FRY: variants seen among roughly 807,000 people sequenced by gnomAD.
FRY encodes FRY microtubule binding protein.
FRY carries 128 observed loss-of-function variants against 348.4 expected under a neutral mutation model. The observed-to-expected ratio is 0.37, with a 90% CI of 0.32 to 0.43. The LOEUF (loss-of-function observed/expected upper bound fraction) is 0.43. FRY is among the 20% of genes least tolerant of loss of function. FRY has a pLI of 1.00. For missense variants in FRY, 2,736 were observed against 3,695.2 expected (o/e 0.74, Z 6.73); for synonymous variants, 1,370 against 1,374.7 (o/e 1.00, Z 0.08).
At chr13:32,279,832 A>G (rs945095947) in intron 58 of FRY, among the ~76,000 whole-genome samples, 1 of 152,204 alleles carries the variant, frequency 6.6e-6, no homozygotes, top group African/African-American at 2.4e-5. Context: ...GGTATTTGTT[A>G]TTGAGCAAGT....
intron 17 of FRY, among the ~76,000 whole-genome samples, chr13:32,166,947 T>A (rs1881775512): frequency 6.6e-6 from 1 of 152,162 alleles, no homozygotes; most frequent in Non-Finnish European, 1.5e-5. Flanking sequence ...ACACTGTCAT[T>A]TTAAGAGACA....
chr13:32,210,784 T>C (rs1884639198), intron 33 of FRY, 82 bp from the exon 34 acceptor site: 4 of 1,126,950 alleles, frequency 3.5e-6, no homozygotes, highest in Non-Finnish European at 5.3e-6. Flanking sequence ...TGACAACTTA[T>C]CTAAATGAGA....
chr13:32,032,027 C>T (rs77392398), intron 1 of FRY, among the ~76,000 whole-genome samples, 162 bp downstream of exon 1: 10,407 of 71,238 alleles, frequency 0.15, 531 homozygotes, highest in African/African-American at 0.24. Flanking sequence ...CTTTCTTTTT[C>T]TTTCTTTCTT....
In FRY at chr13:32,178,282, A is replaced by T. The variant is rs1882490733; in HGVS notation, c.2527A>T (p.Ile843Leu). The change falls in exon 21 of 61, where the codon ATA becomes TTA. Residue 843 changes from isoleucine to leucine, a missense_variant. Ile to Leu is a conservative substitution (Grantham distance 5). Transcript: ENST00000542859. Reference protein sequence around the residue: ...YDVKSPSHVWIFAQSVKDPWV... With the variant: ...YDVKSPSHVWLFAQSVKDPWV... ...TGTGAAAAGCCCTTCCCATGTCTGG[A>T]TATTTGCACAGTCTGTCAAAGACCC... 2 of 1,614,164 alleles carry T rather than the reference A, an allele frequency of 1.2e-6. No homozygotes were observed. Among genetic ancestry groups the T allele is most frequent in the African/African-American group, 1.3e-5 (1 of 75,038 alleles).
intron 7 of FRY, among the ~76,000 whole-genome samples, chr13:32,125,678 T>C (rs1878974255): frequency 6.6e-6 from 1 of 152,136 alleles, no homozygotes; most frequent in South Asian, 2.1e-4. Context: ...ACACAATTTA[T>C]CAAAAAAACA....
At chr13:32,210,774 T>C (rs761478403) in intron 33 of FRY, 92 bp from the exon 34 acceptor site, 5 of 1,024,454 alleles carry the variant, frequency 4.9e-6, no homozygotes, top group Non-Finnish European at 6.0e-6. Context: ...TCCTGCATGA[T>C]GACAACTTAT....
rs2126044 is a variant in FRY at position 32,285,645 on chromosome 13, G to A, written c.8470-3988G>A. Among the ~76,000 whole-genome samples, 3 of 152,224 alleles carry A rather than the reference G, an allele frequency of 2.0e-5. No homozygotes were observed. The East Asian group carries it at 5.8e-4, about 29-fold the overall frequency. On this transcript the variant is annotated intron_variant, in intron 58 of 60. Transcript: ENST00000542859. ...ACCTCGTTTTGGAAAGCAATAAAAA[G>A]CCGTTTTCTTCACACAAGACCTTGT...
intron 7 of FRY, among the ~76,000 whole-genome samples, chr13:32,131,035 C>T (rs191596720): frequency 0.012 from 1,862 of 152,266 alleles, 15 homozygotes; most frequent in Non-Finnish European, 0.019. Flanking sequence ...AGGCTGGTCT[C>T]GAACTCCTGA....
rs112284600 is a variant in FRY, at chr13:32,040,639, A to G, written c.70+8774A>G. Among the ~76,000 whole-genome samples the G allele has an allele frequency of 7.4e-3, 1,130 of 152,336 alleles. 14 individuals are homozygous for G. The highest frequency in any genetic ancestry group is 0.026 in the African/African-American group (1,067 of 41,568). On this transcript the variant is annotated intron_variant, in intron 1 of 60. Transcript: ENST00000542859. Reference sequence around the variant, plus strand: ...AAGTTGTCACACTACACAGCCTATCAGGTTCTTTCTGTTGTTACTTTTTGC... The same window carrying G: ...AAGTTGTCACACTACACAGCCTATCGGGTTCTTTCTGTTGTTACTTTTTGC...
At chr13:32,195,736 A>G (rs190002833) in intron 29 of FRY, among the ~76,000 whole-genome samples, 15 of 152,230 alleles carry the variant, frequency 9.9e-5, no homozygotes, top group African/African-American at 3.6e-4. Context: ...ATATTAGGTC[A>G]TAAAACCTGC....
chr13:32,069,648 G>A (rs1011552204), intron 1 of FRY, among the ~76,000 whole-genome samples: 3 of 152,200 alleles, frequency 2.0e-5, no homozygotes, highest in African/African-American at 4.8e-5. Context: ...CAACACAGAT[G>A]AACTTTGAAG....
chr13:32,091,278 G>T (rs1876291196), intron 2 of FRY, among the ~76,000 whole-genome samples: 1 of 152,198 alleles, frequency 6.6e-6, no homozygotes, highest in Non-Finnish European at 1.5e-5. Flanking sequence ...TCCACCAGAA[G>T]TCCAGTGATC....
At chr13:32,284,641 C>T (rs1338843998) in intron 58 of FRY, among the ~76,000 whole-genome samples, 2 of 152,200 alleles carry the variant, frequency 1.3e-5, no homozygotes, top group African/African-American at 4.8e-5. Context: ...ATGCCATAGC[C>T]ATCAATGTGC....
rs553068936 is a variant in FRY at position 32,265,305 on chromosome 13, G to A, written c.7780-145G>A. The A allele has an allele frequency of 1.6e-4, 124 of 758,984 alleles. No individual in the cohort carries two copies. The South Asian group carries it at 1.8e-3, about 11-fold the overall frequency. The allele number at this position is 758,984 out of a possible 1,614,324, so 47.0% of individuals were successfully genotyped here. On this transcript the variant is annotated intron_variant, in intron 53 of 60. Transcript: ENST00000542859. ...GAATTCCTGAGTCCAGCCTAGAAAC[G>A]GACTATACTGTAGCTAGAAAACAAA...
chr13:32,183,176 T>C (rs891125843), intron 24 of FRY, 142 bp downstream of exon 24: 1 of 584,810 alleles, frequency 1.7e-6, no homozygotes, highest in Non-Finnish European at 3.1e-6. Flanking sequence ...ACTTTTGTTG[T>C]TTTTATTATT....
chr13:32,281,785 A>G (rs936812521), intron 58 of FRY, among the ~76,000 whole-genome samples: 10 of 152,190 alleles, frequency 6.6e-5, no homozygotes, highest in Non-Finnish European at 1.3e-4. Context: ...TGGCAATCCT[A>G]GTAAGTCAGG....
chr13:32,286,683 C>T (rs1889073163), intron 58 of FRY, among the ~76,000 whole-genome samples: 1 of 128,408 alleles, frequency 7.8e-6, no homozygotes, highest in Non-Finnish European at 1.6e-5. Flanking sequence ...GGAGGTGGAG[C>T]TTGCAGTGAG....
intron 16 of FRY, among the ~76,000 whole-genome samples, chr13:32,158,977 G>A (rs1216200370): frequency 0.016 from 1,191 of 72,432 alleles, 5 homozygotes; most frequent in South Asian, 0.075. Flanking sequence ...AAAAAAAAAA[G>A]AGCTTTAAAG....
chr13:32,246,281 AAAT>A (rs72161764), intron 47 of FRY, among the ~76,000 whole-genome samples: 44,185 of 152,126 alleles, frequency 0.29, 7,296 homozygotes, highest in Middle Eastern at 0.46. Context: ...TCCAGGCAAA[AAAT>A]AATAATAACA....
Sources: gnomAD v4.1 joint callset for allele counts (sites outside exome capture counted in the v4.1 genomes callset) on GRCh38, gnomAD v4.1.1 for gene constraint, MANE v1.5 for transcripts, NCBI Gene and HGNC (gene_info 2026-07-23, HGNC 2026-07-21) for gene names.